Variants in COL21A1 observed in about 807,000 individuals in gnomAD.
The protein encoded by COL21A1 is collagen type XXI alpha 1 chain, also known as collagen alpha-1(XXI) chain.
Under a neutral mutation model 137.9 loss-of-function variants are expected in COL21A1, and 149 were observed. That is an observed-to-expected ratio of 1.08 (90% confidence interval 0.95 to 1.24). The LOEUF is 1.24. COL21A1 is among the 50% of genes most tolerant of loss of function. COL21A1 has a pLI of 0.00. For synonymous variants in COL21A1, 456 were observed against 391.5 expected, an observed-to-expected ratio of 1.16 and a Z score of -1.95; for missense variants, 1,167 against 1,158.4, an observed-to-expected ratio of 1.01 and a Z score of -0.11.
At chr6:56,354,717 A>G (rs1383708078) in intron 1 of COL21A1, among the ~76,000 whole-genome samples, 2 of 152,202 alleles carry the variant, frequency 1.3e-5, no homozygotes, top group Admixed American at 6.5e-5. Flanking sequence ...TCCCGACTCA[A>G]AAAATGGTGT....
chr6:56,069,117 C>T lies in COL21A1; in HGVS notation c.2020G>A (p.Gly674Arg). Reference sequence around the variant, plus strand: ...GGGGAACCCGTTGCTCCTGGTTCTCCCTATGTAACACAGAAATTCCAGAAA... The same window carrying T: ...GGGGAACCCGTTGCTCCTGGTTCTCTCTATGTAACACAGAAATTCCAGAAA... ...QGMPGASGLK[G>R]EPGATGSPGE... Residue 674 changes from glycine to arginine, a missense_variant and splice_region_variant, in exon 22 of 30, where the codon GGA becomes AGA. By Grantham distance (125) the Gly-to-Arg change is moderately radical. Transcript: ENST00000244728. 6.3e-7 allele frequency: 1 copy of T among 1,591,902 alleles called. No homozygotes were observed. Among genetic ancestry groups the T allele is most frequent in the Non-Finnish European group, 8.6e-7 (1 of 1,168,690 alleles).
intron 16 of COL21A1, among the ~76,000 whole-genome samples, chr6:56,112,567 G>A (rs1771523048): frequency 6.6e-6 from 1 of 152,066 alleles, no homozygotes; most frequent in African/African-American, 2.4e-5. Flanking sequence ...CTAATGAAGG[G>A]AGAACACAAC....
chr6:56,124,598 G>A (rs1359054767), intron 14 of COL21A1, among the ~76,000 whole-genome samples: 1 of 152,054 alleles, frequency 6.6e-6, no homozygotes, highest in Non-Finnish European at 1.5e-5. Context: ...GAACTAGAAA[G>A]GCCCATAACA....
intron 1 of COL21A1, among the ~76,000 whole-genome samples, chr6:56,297,702 A>G (rs1208150077): frequency 6.6e-6 from 1 of 152,152 alleles, no homozygotes; most frequent in Non-Finnish European, 1.5e-5. Flanking sequence ...TTACAATGAT[A>G]ATAAAATGAG....
Position 56,060,093 on chromosome 6 carries a change from G to A in COL21A1, c.2533C>T (p.Pro845Ser). The A allele has an allele frequency of 1.2e-6, 2 of 1,609,682 alleles. No individual in the cohort carries two copies. Among genetic ancestry groups the A allele is most frequent in the Non-Finnish European group, 1.7e-6 (2 of 1,178,724 alleles). Residue 845 changes from proline to serine, a missense_variant, in exon 28 of 30, where the codon CCT becomes TCT. Pro to Ser is a moderately conservative substitution (Grantham distance 74, BLOSUM62 -1). Transcript: ENST00000244728. ...PIGPEGPRGL[P>S]GLPGRDGVPG... ...ACACCATCTCTTCCTGGCAAACCAG[G>A]TAATCCTCTGGGACCCTCTGGGCCT...
intron 5 of COL21A1, among the ~76,000 whole-genome samples, chr6:56,169,643 C>T (rs912331739): frequency 1.3e-4 from 19 of 151,984 alleles, no homozygotes; most frequent in African/African-American, 3.1e-4. Flanking sequence ...TTATTTAATG[C>T]GCCCTTATAT....
chr6:56,196,370 CCAA>C (rs1779026277), intron 1 of COL21A1, among the ~76,000 whole-genome samples: 2 of 151,990 alleles, frequency 1.3e-5, no homozygotes, highest in South Asian at 2.1e-4. Flanking sequence ...CCTAGCCAAA[CCAA>C]TCAGGCAAGA....
intron 17 of COL21A1, among the ~76,000 whole-genome samples, chr6:56,092,165 A>C (rs1382136554): frequency 6.6e-6 from 1 of 152,188 alleles, no homozygotes. Flanking sequence ...TAGTACAAAA[A>C]CAATAATTAT....
intron 1 of COL21A1, among the ~76,000 whole-genome samples, chr6:56,306,867 G>T (rs1474249967): frequency 6.6e-6 from 1 of 152,078 alleles, no homozygotes; most frequent in Non-Finnish European, 1.5e-5. Context: ...TCTACCTTTT[G>T]TCTTTGATGA....
At chr6:56,175,619 A>G (rs9475588) in intron 3 of COL21A1, among the ~76,000 whole-genome samples, 1,652 of 152,226 alleles carry the variant, frequency 0.011, 30 homozygotes, top group African/African-American at 0.037. Context: ...CAAAACATTG[A>G]TAAAAGAAAC....
chr6:56,120,331 T>C (rs913721919), intron 16 of COL21A1, among the ~76,000 whole-genome samples: 1 of 151,952 alleles, frequency 6.6e-6, no homozygotes, highest in African/African-American at 2.4e-5. Flanking sequence ...GAAATGCAAA[T>C]CAAAACTAAA....
chr6:56,377,771 C>T (rs930629540), intron 1 of COL21A1, among the ~76,000 whole-genome samples: 1 of 151,374 alleles, frequency 6.6e-6, no homozygotes, highest in Non-Finnish European at 1.5e-5. Flanking sequence ...TCACCCTTCT[C>T]CTAATTCCAG....
At chr6:56,367,095 G>A (rs989715056) in intron 1 of COL21A1, among the ~76,000 whole-genome samples, 1 of 152,132 alleles carries the variant, frequency 6.6e-6, no homozygotes, top group Non-Finnish European at 1.5e-5. Flanking sequence ...TCAGAAACAT[G>A]TTAATTTAGT....
intron 14 of COL21A1, among the ~76,000 whole-genome samples, chr6:56,124,691 G>C (rs1772866819): frequency 6.6e-6 from 1 of 152,130 alleles, no homozygotes; most frequent in Non-Finnish European, 1.5e-5. Flanking sequence ...GCCCAGGCTG[G>C]AGTGCAGTGG....
intron 24 of COL21A1, 113 bp downstream of exon 24, chr6:56,064,465 T>G: frequency 2.9e-6 from 2 of 679,844 alleles, no homozygotes; most frequent in Non-Finnish European, 5.2e-6. Flanking sequence ...TTAGAATGCA[T>G]ACTATATTGT....
chr6:56,309,064 G>A (rs1035557107), intron 1 of COL21A1, among the ~76,000 whole-genome samples: 6 of 147,274 alleles, frequency 4.1e-5, no homozygotes, highest in African/African-American at 5.0e-5. Context: ...TTTTTTCCCC[G>A]AGACAGCCTT....
chr6:56,089,109 T>C (rs1397787115), intron 17 of COL21A1, among the ~76,000 whole-genome samples: 1 of 152,126 alleles, frequency 6.6e-6, no homozygotes. Flanking sequence ...TTTACTGTAA[T>C]ACACAATTTA....
chr6:56,302,774 T>C (rs1764334199), intron 1 of COL21A1, among the ~76,000 whole-genome samples: 1 of 151,544 alleles, frequency 6.6e-6, no homozygotes, highest in South Asian at 2.1e-4. Context: ...TTGCCATTGC[T>C]TTTGGTGTTT....
rs1451508684 is a variant in COL21A1 at position 56,272,785 on chromosome 6, G to A, written c.-38-90129C>T. The stretch of plus-strand genomic sequence containing the variant: ...TTCCCCTGAACTCTCTCTCTCTCCT[G>A]CTGCCTTGTGATGAAGGTACTTGCT... On this transcript the variant is annotated intron_variant, in intron 1 of 28. Coordinates refer to the COL21A1 transcript ENST00000370819. Among the ~76,000 whole-genome samples, 4 of 152,024 alleles carry A rather than the reference G, an allele frequency of 2.6e-5. No homozygotes were observed. The South Asian group carries it at 6.2e-4, about 24-fold the overall frequency.
Sources: gnomAD v4.1 joint callset for allele counts (sites outside exome capture counted in the v4.1 genomes callset) on GRCh38, gnomAD v4.1.1 for gene constraint, MANE v1.5 for transcripts, NCBI Gene and HGNC (gene_info 2026-07-23, HGNC 2026-07-21) for gene names.